The following SLC35F3 variants were observed in gnomAD, a reference collection of about 807,000 sequenced individuals.
The protein encoded by SLC35F3 is solute carrier family 35 member F3.
SLC35F3 carries 25 observed loss-of-function variants against 49.9 expected under a neutral mutation model. The observed-to-expected ratio is 0.50, with a 90% CI of 0.37 to 0.70. The LOEUF is 0.70. Among genes scored for constraint, SLC35F3 ranks in the 30% least tolerant of loss-of-function variants. The pLI is 0.00. For missense variants in SLC35F3, 525 were observed against 639.8 expected (o/e 0.82, Z 1.94); for synonymous variants, 275 against 265.4 (o/e 1.04, Z -0.35).
intron 3 of SLC35F3, among the ~76,000 whole-genome samples, chr1:234,235,724 A>G (rs1667455156): frequency 6.6e-6 from 1 of 152,224 alleles, no homozygotes; most frequent in Non-Finnish European, 1.5e-5. Flanking sequence ...TTGTAGTTCC[A>G]GGCTTTCTGT....
intron 2 of SLC35F3, among the ~76,000 whole-genome samples, chr1:234,091,665 A>G (rs1665045880): frequency 6.6e-6 from 1 of 152,172 alleles, no homozygotes; most frequent in African/African-American, 2.4e-5. Flanking sequence ...TCTATACACC[A>G]TTTAGGTATA....
chr1:234,310,584 C>T (rs975879847), intron 4 of SLC35F3, among the ~76,000 whole-genome samples: 19 of 152,204 alleles, frequency 1.2e-4, no homozygotes, highest in Admixed American at 1.3e-4. Context: ...GTGAGCCACC[C>T]AGCAGGCTGC....
intron 2 of SLC35F3, among the ~76,000 whole-genome samples, chr1:233,926,001 C>T (rs556711045): frequency 1.8e-4 from 28 of 152,232 alleles, no homozygotes; most frequent in East Asian, 3.9e-4. Context: ...CTGGGAGAGC[C>T]GCTGTTAGTC....
At chr1:234,081,388 T>G (rs1664873213) in intron 2 of SLC35F3, among the ~76,000 whole-genome samples, 2 of 152,182 alleles carry the variant, frequency 1.3e-5, no homozygotes, top group South Asian at 4.1e-4. Context: ...GCAAACATTG[T>G]TTTTGTTGGA....
chr1:233,928,135 T>G (rs1292588180), intron 2 of SLC35F3, among the ~76,000 whole-genome samples: 3 of 152,142 alleles, frequency 2.0e-5, no homozygotes, highest in Admixed American at 6.6e-5. Context: ...AGCCCTCTGC[T>G]TCCTCACATG....
At chr1:234,220,643 C>G (rs1428152360) in intron 2 of SLC35F3, among the ~76,000 whole-genome samples, 1 of 152,150 alleles carries the variant, frequency 6.6e-6, no homozygotes, top group East Asian at 1.9e-4. Context: ...CACGTCCTAA[C>G]CACTGTACCA....
chr1:234,075,420 G>A (rs987243598), intron 2 of SLC35F3, among the ~76,000 whole-genome samples: 2 of 152,186 alleles, frequency 1.3e-5, no homozygotes, highest in Non-Finnish European at 2.9e-5. Context: ...ACAAAAATAC[G>A]GGAGCATTTG....
At chr1:234,091,726 C>T (rs1665046504) in intron 2 of SLC35F3, among the ~76,000 whole-genome samples, 1 of 152,162 alleles carries the variant, frequency 6.6e-6, no homozygotes, top group Admixed American at 6.5e-5. Context: ...AGCCTCTTCC[C>T]TATGCATTAT....
chr1:234,062,639 G>C (rs955319953), intron 2 of SLC35F3, among the ~76,000 whole-genome samples: 1 of 151,948 alleles, frequency 6.6e-6, no homozygotes, highest in African/African-American at 2.4e-5. Flanking sequence ...AAATAATTAA[G>C]AGATTTCTGT....
intron 4 of SLC35F3, among the ~76,000 whole-genome samples, chr1:234,313,387 T>A (rs1389552371): frequency 6.6e-6 from 1 of 152,094 alleles, no homozygotes; most frequent in Admixed American, 6.5e-5. Flanking sequence ...GGGACTCAGA[T>A]CTAGAGCTCT....
At chr1:234,288,526 G>A (rs1668458332) in intron 3 of SLC35F3, among the ~76,000 whole-genome samples, 2 of 152,216 alleles carry the variant, frequency 1.3e-5, no homozygotes, top group Admixed American at 6.5e-5. Flanking sequence ...GGCAGCATGA[G>A]AGATTAGACT....
chr1:234,052,591 C>G (rs1664395395), intron 2 of SLC35F3, among the ~76,000 whole-genome samples: 1 of 152,016 alleles, frequency 6.6e-6, no homozygotes, highest in Non-Finnish European at 1.5e-5. Context: ...AAAATGAGCT[C>G]CTGGATTCAT....
chr1:234,275,792 ATGCTGC>A (rs145881047), intron 3 of SLC35F3, among the ~76,000 whole-genome samples: 4 of 151,106 alleles, frequency 2.6e-5, no homozygotes, highest in African/African-American at 7.3e-5. Flanking sequence ...AGCACAGAAG[ATGCTGC>A]TGCTGCTGCT....
intron 2 of SLC35F3, among the ~76,000 whole-genome samples, chr1:234,217,407 G>A (rs916361880): frequency 3.9e-5 from 6 of 152,242 alleles, no homozygotes; most frequent in African/African-American, 1.4e-4. Flanking sequence ...GGACGTTTTA[G>A]TCTAGAGGGG....
chr1:234,141,382 T>C (rs1308538301), intron 2 of SLC35F3, among the ~76,000 whole-genome samples: 4 of 152,150 alleles, frequency 2.6e-5, no homozygotes, highest in African/African-American at 9.7e-5. Flanking sequence ...TTTCTCCCCC[T>C]TTTTTAAAAC....
At chr1:234,293,387 T>C (rs1311015542) in intron 3 of SLC35F3, among the ~76,000 whole-genome samples, 1 of 152,222 alleles carries the variant, frequency 6.6e-6, no homozygotes, top group African/African-American at 2.4e-5. Flanking sequence ...GCTTTCTCTA[T>C]GCTGGGAAAA....
intron 2 of SLC35F3, among the ~76,000 whole-genome samples, chr1:234,039,130 C>T (rs1325976362): frequency 1.3e-5 from 2 of 151,986 alleles, no homozygotes; most frequent in African/African-American, 2.4e-5. Context: ...AGAAGGTATT[C>T]GAAGCTCTAA....
chr1:233,967,624 C>G (rs1240937427), intron 2 of SLC35F3, among the ~76,000 whole-genome samples: 1 of 152,100 alleles, frequency 6.6e-6, no homozygotes, highest in Non-Finnish European at 1.5e-5. Flanking sequence ...ATGTGGAACC[C>G]AGTAAGAAGA....
chr1:234,147,470 C>A (rs1302168617), intron 2 of SLC35F3, among the ~76,000 whole-genome samples: 1 of 151,886 alleles, frequency 6.6e-6, no homozygotes, highest in African/African-American at 2.4e-5. Flanking sequence ...TATTTTAAAT[C>A]TTTTTGTGCT....
Sources: gnomAD v4.1 joint callset for allele counts (sites outside exome capture counted in the v4.1 genomes callset) on GRCh38, gnomAD v4.1.1 for gene constraint, MANE v1.5 for transcripts, NCBI Gene and HGNC (gene_info 2026-07-23, HGNC 2026-07-21) for gene names.